TMPRSS15: variants seen among roughly 807,000 people sequenced by gnomAD.
TMPRSS15 encodes enteropeptidase.
TMPRSS15 carries 128 observed loss-of-function variants against 125.3 expected under a neutral mutation model. The observed-to-expected ratio is 1.02, with a 90% CI of 0.89 to 1.18. TMPRSS15 has a LOEUF of 1.18. TMPRSS15 is among the 50% of genes most tolerant of loss of function. TMPRSS15 has a pLI of 0.00. For missense variants in TMPRSS15, 1,283 were observed against 1,212.7 expected (o/e 1.06, Z -0.86); for synonymous variants, 446 against 423.2 (o/e 1.05, Z -0.66).
intron 3 of TMPRSS15, among the ~76,000 whole-genome samples, chr21:18,396,897 T>A (rs2076046724): frequency 6.6e-6 from 1 of 151,744 alleles, no homozygotes; most frequent in Non-Finnish European, 1.5e-5. Flanking sequence ...AACCAGTGAG[T>A]TTCCTTTTTG....
rs1305786547 is a variant in TMPRSS15, at chr21:18,326,454, A to G, written c.1899T>C (p.Thr633=). 6.2e-7 allele frequency: 1 copy of G among 1,614,192 alleles called. No individual in the cohort carries two copies. The highest frequency in any genetic ancestry group is 8.5e-7 in the Non-Finnish European group (1 of 1,180,000). Reference sequence around the variant, plus strand: ...TACCTGGAATCCCCAAGTGATAGCCAGTAGTAAAGTTTGCTTTAAACCCTC... The same window carrying G: ...TACCTGGAATCCCCAAGTGATAGCCGGTAGTAAAGTTTGCTTTAAACCCTC... The part of the protein sequence containing the change: ...ARGGFKANFT[T]GYHLGIPEPC... The change falls in exon 16 of 25, where the codon ACT becomes ACC. Residue 633 remains threonine (T), a synonymous_variant. Coordinates refer to ENST00000284885, the MANE Select transcript of TMPRSS15 (RefSeq NM_002772.3).
rs868677689 is a variant in TMPRSS15, at chr21:18,438,243, G to A, written c.11-39914C>T. Among the ~76,000 whole-genome samples, 41 of 145,898 alleles carry A rather than the reference G, an allele frequency of 2.8e-4. 1 individual carries two copies. In the South Asian group the frequency reaches 7.9e-3, roughly 28 times the overall value. On this transcript the variant is annotated intron_variant, in intron 1 of 7. Coordinates refer to the TMPRSS15 transcript ENST00000422787. ...TCGCAAGGACAAAAAACCAAACACC[G>A]CATATTCTCACTCATAGATGGGAAC... is the stretch of plus-strand genomic sequence containing the variant.
intron 9 of TMPRSS15, 63 bp downstream of exon 9, chr21:18,353,660 A>T (rs2075595046): frequency 6.7e-7 from 1 of 1,497,408 alleles, no homozygotes; most frequent in African/African-American, 1.4e-5. Flanking sequence ...TGCTACCTTT[A>T]AAATTCCATC....
intron 3 of TMPRSS15, among the ~76,000 whole-genome samples, chr21:18,384,273 A>G (rs2075921728): frequency 6.6e-6 from 1 of 152,188 alleles, no homozygotes; most frequent in Non-Finnish European, 1.5e-5. Context: ...ACTAATCTAT[A>G]TCTCCCTCTT....
intron 13 of TMPRSS15, among the ~76,000 whole-genome samples, chr21:18,340,632 T>C (rs867984837): frequency 2.6e-5 from 4 of 152,222 alleles, no homozygotes; most frequent in Admixed American, 6.5e-5. Flanking sequence ...TCTATGTCTG[T>C]ATGTTCAAAG....
intron 1 of TMPRSS15, among the ~76,000 whole-genome samples, chr21:18,416,425 T>C (rs2076180334): frequency 6.6e-6 from 1 of 152,046 alleles, no homozygotes; most frequent in Non-Finnish European, 1.5e-5. Flanking sequence ...CAGAATATCC[T>C]AGAGCAAAAT....
chr21:18,335,088 C>A (rs1569015655), intron 13 of TMPRSS15, among the ~76,000 whole-genome samples: 1 of 152,276 alleles, frequency 6.6e-6, no homozygotes, highest in East Asian at 1.9e-4. Context: ...ATCCTATAAC[C>A]TCTACATACA....
chr21:18,413,030 G>A (rs183387580), intron 1 of TMPRSS15, among the ~76,000 whole-genome samples: 4 of 152,208 alleles, frequency 2.6e-5, no homozygotes, highest in East Asian at 1.9e-4. Context: ...TTTTAGAGAC[G>A]AAACTAACTG....
rs770192217 is a variant in TMPRSS15 at position 18,332,147 on chromosome 21, A to G, written c.1591T>C (p.Trp531Arg). 6 of 1,614,140 alleles carry G rather than the reference A, an allele frequency of 3.7e-6. No individual in the cohort carries two copies. In the South Asian group the frequency reaches 6.6e-5, roughly 18 times the overall value. ...GAACTGAATGTTGTATTTGGCTCCC[A>G]CAGCTCAAAAGGTCCTCCACAGTCC... is the stretch of plus-strand genomic sequence containing the variant. ...PTDCGGPFEL[W>R]EPNTTFSSTN... is the part of the protein sequence containing the mutation. Residue 531 changes from tryptophan (W) to arginine (R), a missense_variant, in exon 14 of 25, where the codon TGG becomes CGG. Transcript: ENST00000284885.
At chr21:18,415,087 A>G (rs2076176570) in intron 1 of TMPRSS15, among the ~76,000 whole-genome samples, 1 of 151,646 alleles carries the variant, frequency 6.6e-6, no homozygotes, top group Non-Finnish European at 1.5e-5. Flanking sequence ...TGTAGTTTCG[A>G]TTTGTATTTC....
At chr21:18,402,031 T>C (rs929710010) in intron 1 of TMPRSS15, among the ~76,000 whole-genome samples, 8 of 152,202 alleles carry the variant, frequency 5.3e-5, no homozygotes, top group Admixed American at 5.2e-4. Flanking sequence ...ATTTTAGTAC[T>C]TTGTATAATT....
chr21:18,365,935 A>G (rs554271001), intron 6 of TMPRSS15, among the ~76,000 whole-genome samples: 6 of 151,628 alleles, frequency 4.0e-5, no homozygotes, highest in South Asian at 2.1e-4. Context: ...GGGTTTCACC[A>G]TGTTGGCCAG....
rs761943278 is a variant in TMPRSS15 at position 18,344,023 on chromosome 21, T to G, written c.1209A>C (p.Arg403Ser). The G allele has an allele frequency of 1.4e-5, 23 of 1,614,026 alleles. No individual in the cohort carries two copies. The highest frequency in any genetic ancestry group is 1.7e-4 in the Middle Eastern group (1 of 6,030). The part of the protein sequence containing the change: ...YISTPTGPGG[R>S]QERVGLLSLP... ...GGCTTAAAAGCCCCACTCGTTCTTG[T>G]CTCCCTCCTGGTCCAGTTGGGGTAG... is the stretch of plus-strand genomic sequence containing the variant. Residue 403 changes from arginine (R) to serine (S), a missense_variant, in exon 11 of 25, where the codon AGA (arginine) becomes AGC (serine). Physicochemically the swap from Arg to Ser is moderately radical, Grantham distance 110. Transcript: ENST00000284885.
At chr21:18,463,448 T>C (rs2122953878) in intron 1 of TMPRSS15, among the ~76,000 whole-genome samples, 6 of 151,870 alleles carry the variant, frequency 4.0e-5, no homozygotes, top group African/African-American at 1.5e-4. Context: ...CCCAGATTCA[T>C]AAAGCAAGTT....
Position 18,409,116 on chromosome 21 carries a change from GT to G in TMPRSS15, c.11-10788del, listed in dbSNP as rs1163690706. Among the ~76,000 whole-genome samples the G allele has an allele frequency of 4.6e-5, 7 of 151,478 alleles. No homozygotes were observed. In the South Asian group the frequency reaches 1.0e-3, roughly 23 times the overall value. On this transcript the variant is annotated intron_variant, in intron 1 of 7. Transcript: ENST00000422787. ...ATATTGATGCATGGGTAAGTGACAA[GT>G]TTTTTTTCCTTGGAATTCTGAAGAT...
intron 21 of TMPRSS15, among the ~76,000 whole-genome samples, chr21:18,281,477 T>A (rs2074697534): frequency 6.6e-6 from 1 of 152,200 alleles, no homozygotes; most frequent in South Asian, 2.1e-4. Flanking sequence ...ATTGTGGTTC[T>A]CAACTGTGGT....
At chr21:18,368,128 C>T (rs2075756241) in intron 6 of TMPRSS15, among the ~76,000 whole-genome samples, 1 of 152,114 alleles carries the variant, frequency 6.6e-6, no homozygotes, top group Admixed American at 6.5e-5. Flanking sequence ...GGGAACAAAA[C>T]AAGATCCCTT....
intron 3 of TMPRSS15, among the ~76,000 whole-genome samples, chr21:18,385,170 T>G (rs2075931803): frequency 6.6e-6 from 1 of 152,236 alleles, no homozygotes; most frequent in South Asian, 2.1e-4. Flanking sequence ...AATCATTTGC[T>G]TAAATTATAG....
At chr21:18,337,367 G>A (rs916127660) in intron 13 of TMPRSS15, among the ~76,000 whole-genome samples, 1 of 151,944 alleles carries the variant, frequency 6.6e-6, no homozygotes, top group Non-Finnish European at 1.5e-5. Flanking sequence ...AATAAGCCAG[G>A]GGCCTGAAAT....
Sources: gnomAD v4.1 joint callset for allele counts (sites outside exome capture counted in the v4.1 genomes callset) on GRCh38, gnomAD v4.1.1 for gene constraint, MANE v1.5 for transcripts, NCBI Gene and HGNC (gene_info 2026-07-23, HGNC 2026-07-21) for gene names.